Variants in GPR158 observed in about 807,000 individuals in gnomAD.
GPR158 encodes metabotropic glycine receptor.
A neutral mutation model predicts 78.2 loss-of-function variants in GPR158; 30 were observed. The observed-to-expected ratio is 0.38, with a 90% CI of 0.29 to 0.52. The LOEUF is 0.52. GPR158 is among the 20% of genes least tolerant of loss of function. The pLI, the probability that GPR158 is intolerant of heterozygous loss-of-function variation, is 0.83. For missense variants in GPR158, 1,463 were observed against 1,523.5 expected (o/e 0.96, Z 0.66); for synonymous variants, 581 against 591.1 (o/e 0.98, Z 0.25).
chr10:25,268,506 C>T (rs1564406771), intron 2 of GPR158, among the ~76,000 whole-genome samples: 1 of 151,986 alleles, frequency 6.6e-6, no homozygotes, highest in Non-Finnish European at 1.5e-5. Context: ...ATAAATTGTA[C>T]CTCAGTGCAG....
intron 2 of GPR158, among the ~76,000 whole-genome samples, chr10:25,353,290 T>C (rs1268362300): frequency 1.3e-5 from 2 of 152,036 alleles, no homozygotes; most frequent in Admixed American, 1.3e-4. Flanking sequence ...AATGATTAAT[T>C]ATTTCCTACA....
chr10:25,403,899 G>A (rs1031919285), intron 3 of GPR158, among the ~76,000 whole-genome samples: 1 of 151,928 alleles, frequency 6.6e-6, no homozygotes, highest in Non-Finnish European at 1.5e-5. Flanking sequence ...TGTTTATTGA[G>A]TATCCAATAT....
At chr10:25,597,691 G>C in intron 10 of GPR158, 81 bp from the exon 11 acceptor site, 1 of 1,133,724 alleles carries the variant, frequency 8.8e-7, no homozygotes, top group Non-Finnish European at 1.2e-6. Context: ...CAAGTTTACT[G>C]AATTCCAATA....
At position 25,600,107 on chromosome 10, in the gene GPR158, AAGTTG is replaced by A. The variant is rs1837473812; in HGVS notation, c.*838_*842del. The A allele has an allele frequency of 1.3e-5, 2 of 152,620 alleles. No individual in the cohort carries two copies. The allele number at this position is 152,620 out of a possible 1,614,324, so 9.5% of individuals were successfully genotyped here. ...CTGTCTTAATCAGGGTTTTTTATACAAGTTGAGTTACTTGTTTTGCACTTCTTGTT... is the reference window on the plus strand; with the variant it reads ...CTGTCTTAATCAGGGTTTTTTATACAAGTTACTTGTTTTGCACTTCTTGTT... On this transcript the variant is annotated 3_prime_UTR_variant, in exon 11 of 11. Coordinates refer to ENST00000376351, the MANE Select transcript of GPR158 (RefSeq NM_020752.3).
chr10:25,276,226 GT>G (rs1299602148), intron 2 of GPR158, among the ~76,000 whole-genome samples: 1 of 152,178 alleles, frequency 6.6e-6, no homozygotes, highest in African/African-American at 2.4e-5. Flanking sequence ...TGTGAATTCT[GT>G]TGATTAAAAT....
chr10:25,503,562 T>C lies in GPR158; in HGVS notation c.1404+36843T>C, dbSNP rs147810671. Reference sequence around the variant, plus strand: ...TCTTACTAAAGCAGAATTCAAAATCTCTACTGTGTCAGTATTACAGGGAGA... The same window carrying C: ...TCTTACTAAAGCAGAATTCAAAATCCCTACTGTGTCAGTATTACAGGGAGA... On this transcript the variant is annotated intron_variant, in intron 5 of 10. Coordinates refer to ENST00000376351, the MANE Select transcript of GPR158 (RefSeq NM_020752.3). Among the ~76,000 whole-genome samples, 546 of 152,280 alleles carry C rather than the reference T, an allele frequency of 3.6e-3. 1 individual carries two copies. The highest frequency in any genetic ancestry group is 0.011 in the African/African-American group (470 of 41,564).
At chr10:25,577,594 G>C (rs1223557457) in intron 7 of GPR158, among the ~76,000 whole-genome samples, 1 of 152,188 alleles carries the variant, frequency 6.6e-6, no homozygotes, top group Non-Finnish European at 1.5e-5. Flanking sequence ...GTCATACATT[G>C]AAAGACCGGG....
chr10:25,408,297 T>C (rs994388147), intron 3 of GPR158, among the ~76,000 whole-genome samples: 1 of 152,206 alleles, frequency 6.6e-6, no homozygotes, highest in African/African-American at 2.4e-5. Flanking sequence ...TTGGTTTGTG[T>C]GGGGAGTGCT....
intron 2 of GPR158, among the ~76,000 whole-genome samples, chr10:25,269,147 C>G (rs1428075231): frequency 6.6e-6 from 1 of 152,156 alleles, no homozygotes. Context: ...CAAAGAATTT[C>G]TGACAATAAA....
intron 1 of GPR158, among the ~76,000 whole-genome samples, chr10:25,181,311 A>G (rs1852608916): frequency 6.6e-6 from 1 of 152,224 alleles, no homozygotes; most frequent in Non-Finnish European, 1.5e-5. Context: ...AATTCTGTAA[A>G]AACTAAATGA....
At chr10:25,362,024 G>T (rs139925505) in intron 2 of GPR158, among the ~76,000 whole-genome samples, 251 of 151,882 alleles carry the variant, frequency 1.7e-3, no homozygotes, top group African/African-American at 5.9e-3. Flanking sequence ...TGAGCTTTTG[G>T]TTTCCTGTTA....
rs747413212 is a variant in GPR158, at chr10:25,399,952, G to A, written c.1111+3939G>A. 3.3e-5 allele frequency among the ~76,000 whole-genome samples: 5 copies of A among 152,138 alleles called. No individual in the cohort carries two copies. The South Asian group carries it at 8.3e-4, about 25-fold the overall frequency. ...AACCAAAGGTAAGAAAGGCATTAGG[G>A]ACCCAACATATGAGCTAACATGGAA... On this transcript the variant is annotated intron_variant, in intron 3 of 10. Transcript: ENST00000376351.
chr10:25,571,406 G>C (rs569391464), intron 6 of GPR158, among the ~76,000 whole-genome samples: 55 of 152,276 alleles, frequency 3.6e-4, no homozygotes, highest in Middle Eastern at 6.8e-3. Context: ...ATATAGCATA[G>C]TACATCTAGG....
At chr10:25,439,339 A>G (rs576563566) in intron 4 of GPR158, among the ~76,000 whole-genome samples, 2 of 152,310 alleles carry the variant, frequency 1.3e-5, no homozygotes, top group South Asian at 4.1e-4. Flanking sequence ...CACTACCATG[A>G]GAACAGTGTG....
chr10:25,581,591 G>GT (rs112797789), intron 7 of GPR158, among the ~76,000 whole-genome samples: 45,891 of 152,040 alleles, frequency 0.3, 7,406 homozygotes, highest in Non-Finnish European at 0.36. Flanking sequence ...AAGTAAAACA[G>GT]TTTCCACAAA....
At chr10:25,351,069 G>A (rs964394936) in intron 2 of GPR158, among the ~76,000 whole-genome samples, 2 of 151,932 alleles carry the variant, frequency 1.3e-5, no homozygotes, top group African/African-American at 4.8e-5. Flanking sequence ...TCGCAGAAGA[G>A]GTGACACCTA....
At chr10:25,276,873 A>T (rs1477879935) in intron 2 of GPR158, among the ~76,000 whole-genome samples, 4 of 152,202 alleles carry the variant, frequency 2.6e-5, no homozygotes. Flanking sequence ...CAGTAAGGAC[A>T]TAAAAGAACA....
At chr10:25,569,781 C>T (rs1432441788) in intron 6 of GPR158, among the ~76,000 whole-genome samples, 1 of 152,112 alleles carries the variant, frequency 6.6e-6, no homozygotes, top group African/African-American at 2.4e-5. Flanking sequence ...ATTTGCTAGC[C>T]ACATACAATA....
At chr10:25,184,249 A>G (rs1228787977) in intron 1 of GPR158, among the ~76,000 whole-genome samples, 1 of 152,086 alleles carries the variant, frequency 6.6e-6, no homozygotes, top group Admixed American at 6.6e-5. Context: ...CTCAGGCAGG[A>G]GTATAGTGTT....
Sources: allele counts gnomAD v4.1 joint callset (sites outside exome capture counted in the v4.1 genomes callset), GRCh38; gene constraint gnomAD v4.1.1; transcripts MANE v1.5; gene names NCBI Gene and HGNC (gene_info 2026-07-23, HGNC 2026-07-21).